The following DIP2B variants were observed in gnomAD, a reference collection of about 807,000 sequenced individuals.
DIP2B encodes the protein disco-interacting protein 2 homolog B.
A neutral mutation model predicts 198.0 loss-of-function variants in DIP2B; 76 were observed. The observed-to-expected ratio is 0.38, with a 90% CI of 0.32 to 0.46. The LOEUF (loss-of-function observed/expected upper bound fraction) is 0.46, where lower values mean the gene tolerates loss of function less well. Ranked by LOEUF, DIP2B falls within the 20% of genes least tolerant of loss-of-function variation. The probability of loss-of-function intolerance (pLI) is 0.99; values close to 1 mark genes in which losing one functional copy is unlikely to be tolerated. For synonymous variants in DIP2B, 701 were observed against 739.1 expected (o/e 0.95, Z 0.84); for missense variants, 1,559 against 1,978.4 (o/e 0.79, Z 4.02).
At chr12:50,722,466 C>T (rs1939857379) in intron 26 of DIP2B, among the ~76,000 whole-genome samples, 1 of 151,942 alleles carries the variant, frequency 6.6e-6, no homozygotes, top group South Asian at 2.1e-4. Flanking sequence ...GTTGGCCAGG[C>T]TCGTCTCAAA....
rs767693778 is a variant in DIP2B, at chr12:50,580,834, G to T, written c.101-45142G>T. On this transcript the variant is annotated intron_variant, in intron 1 of 37. Transcript: ENST00000301180. ...ACAGCAATACTTTCACACACTTTAT[G>T]TTCAAATGATGGAAATATCCTACAG... Among the ~76,000 whole-genome samples the T allele has an allele frequency of 8.7e-5, 13 of 148,732 alleles. 2 individuals carry two copies. Among genetic ancestry groups the T allele is most frequent in the Admixed American group, 2.1e-4 (3 of 14,442 alleles).
At chr12:50,562,855 A>G (rs1958531320) in intron 1 of DIP2B, among the ~76,000 whole-genome samples, 1 of 152,124 alleles carries the variant, frequency 6.6e-6, no homozygotes, top group Non-Finnish European at 1.5e-5. Context: ...AGACTGATTG[A>G]TTGTAATACA....
At chr12:50,723,729 G>C (rs1939881475) in intron 27 of DIP2B, among the ~76,000 whole-genome samples, 1 of 151,852 alleles carries the variant, frequency 6.6e-6, no homozygotes. Context: ...TCCAGCCTGA[G>C]CAGACCCTGT....
rs1938719306 is a variant in DIP2B at position 50,664,830 on chromosome 12, GTTTTTGTTTTT to G, written c.427+4517_427+4527del. Among the ~76,000 whole-genome samples, 26 of 99,644 alleles carry G rather than the reference GTTTTTGTTTTT, an allele frequency of 2.6e-4. 3 individuals are homozygous for G. The highest frequency in any genetic ancestry group is 1.1e-3 in the African/African-American group (26 of 23,974). The allele number at this position is 99,644 out of a possible 152,430, so 65.4% of individuals were successfully genotyped here. A position where few individuals can be genotyped will look rare whatever the true frequency, so the allele number is the denominator to read the frequency against. On this transcript the variant is annotated intron_variant, in intron 4 of 37. Transcript: ENST00000301180. ...CAAGGAGAATTTCCCTCCTTTTTTGGTTTTTGTTTTTTTTTTTTTTTTTTTTTTTTTTTTTT... is the reference window on the plus strand; with the variant it reads ...CAAGGAGAATTTCCCTCCTTTTTTGGTTTTTTTTTTTTTTTTTTTTTTTTT...
At chr12:50,571,938 T>C (rs1047156239) in intron 1 of DIP2B, among the ~76,000 whole-genome samples, 4 of 152,228 alleles carry the variant, frequency 2.6e-5, no homozygotes, top group Non-Finnish European at 4.4e-5. Context: ...TGCATCTGTC[T>C]TTCCAGTTCA....
At position 50,514,976 on chromosome 12, in the gene DIP2B, C is replaced by A. The variant is rs151085349; in HGVS notation, c.100+9736C>A. 3.1e-3 allele frequency among the ~76,000 whole-genome samples: 476 copies of A among 151,612 alleles called. 6 individuals are homozygous for A. Among genetic ancestry groups the A allele is most frequent in the African/African-American group, 0.01 (425 of 41,334 alleles). On this transcript the variant is annotated intron_variant, in intron 1 of 37. Coordinates refer to ENST00000301180, the MANE Select transcript of DIP2B (RefSeq NM_173602.3). ...CCCAGCCTTCCAGCTTTAAAAAAAA[C>A]ACACACAAAACTTTGCCACAGTGTT...
intron 1 of DIP2B, among the ~76,000 whole-genome samples, chr12:50,617,485 C>T (rs1410350261): frequency 6.6e-6 from 1 of 151,652 alleles, no homozygotes; most frequent in African/African-American, 2.4e-5. Context: ...ACCAGTTGGA[C>T]ACAGTTTCCA....
intron 1 of DIP2B, among the ~76,000 whole-genome samples, chr12:50,569,882 T>A (rs1423935898): frequency 6.6e-6 from 1 of 152,230 alleles, no homozygotes; most frequent in Non-Finnish European, 1.5e-5. Flanking sequence ...GTTTTAATCA[T>A]TTTTATATTT....
At chr12:50,673,066 A>G (rs1204976704) in intron 5 of DIP2B, among the ~76,000 whole-genome samples, 1 of 152,170 alleles carries the variant, frequency 6.6e-6, no homozygotes, top group Non-Finnish European at 1.5e-5. Flanking sequence ...CATTTGTCTG[A>G]TTATTTCCTT....
chr12:50,535,761 A>G (rs1199137361), intron 1 of DIP2B, among the ~76,000 whole-genome samples: 1 of 151,562 alleles, frequency 6.6e-6, no homozygotes, highest in Non-Finnish European at 1.5e-5. Flanking sequence ...GGTTAGTTAC[A>G]TATCTATACA....
chr12:50,573,231 A>AT (rs1565829130), intron 1 of DIP2B, among the ~76,000 whole-genome samples: 1 of 152,258 alleles, frequency 6.6e-6, no homozygotes, highest in African/African-American at 2.4e-5. Flanking sequence ...TTCATCAGCC[A>AT]TAACAGTCAG....
At chr12:50,614,708 TAA>T (rs1937662353) in intron 1 of DIP2B, among the ~76,000 whole-genome samples, 1 of 152,178 alleles carries the variant, frequency 6.6e-6, no homozygotes. Flanking sequence ...GAGGAAAACC[TAA>T]GTCTCTGGAC....
intron 1 of DIP2B, among the ~76,000 whole-genome samples, chr12:50,543,388 C>G (rs964350001): frequency 6.6e-6 from 1 of 151,920 alleles, no homozygotes; most frequent in African/African-American, 2.4e-5. Flanking sequence ...TCCCCAGGTT[C>G]AAGCAATTCT....
chr12:50,742,416 A>C (rs1356867668), intron 37 of DIP2B, among the ~76,000 whole-genome samples: 1 of 74,524 alleles, frequency 1.3e-5, no homozygotes, highest in African/African-American at 3.8e-5. Flanking sequence ...AAAAAAAAAA[A>C]AAAAAACCAC....
chr12:50,522,781 G>C (rs147746812), intron 1 of DIP2B, among the ~76,000 whole-genome samples: 2 of 152,262 alleles, frequency 1.3e-5, no homozygotes, highest in East Asian at 3.9e-4. Flanking sequence ...CATATTGCAA[G>C]AGAAAACCTA....
intron 7 of DIP2B, among the ~76,000 whole-genome samples, chr12:50,677,641 CT>C (rs1386411757): frequency 6.6e-6 from 1 of 151,872 alleles, no homozygotes; most frequent in Non-Finnish European, 1.5e-5. Context: ...ATGTAGGATT[CT>C]TTTTTTGATT....
At chr12:50,511,946 CA>C (rs1294473966) in intron 1 of DIP2B, among the ~76,000 whole-genome samples, 150 of 26,574 alleles carry the variant, frequency 5.6e-3, no homozygotes, top group Middle Eastern at 0.033. Context: ...GACTCCGTCT[CA>C]AAAAAAAAAA....
At chr12:50,556,375 G>A (rs1958471419) in intron 1 of DIP2B, among the ~76,000 whole-genome samples, 1 of 151,998 alleles carries the variant, frequency 6.6e-6, no homozygotes, top group Non-Finnish European at 1.5e-5. Flanking sequence ...GAGCCCGGCC[G>A]ACTCCTCATC....
At chr12:50,591,527 T>A (rs1222423312) in intron 1 of DIP2B, among the ~76,000 whole-genome samples, 2 of 152,170 alleles carry the variant, frequency 1.3e-5, no homozygotes, top group African/African-American at 4.8e-5. Context: ...ATCCTTTGCC[T>A]CCTGGGCTCA....
Sources: gnomAD v4.1 joint callset for allele counts (sites outside exome capture counted in the v4.1 genomes callset) on GRCh38, gnomAD v4.1.1 for gene constraint, MANE v1.5 for transcripts, NCBI Gene and HGNC (gene_info 2026-07-23, HGNC 2026-07-21) for gene names.